Variants in VASP observed in about 807,000 individuals in gnomAD.
VASP encodes vasodilator-stimulated phosphoprotein.
A neutral mutation model predicts 54.4 loss-of-function variants in VASP; 27 were observed. The observed-to-expected ratio is 0.50, with a 90% CI of 0.37 to 0.68. The LOEUF is 0.68. Ranked by LOEUF, VASP falls within the 30% of genes least tolerant of loss-of-function variation. VASP has a pLI of 0.00. For missense variants in VASP, 488 were observed against 528.3 expected (o/e 0.92, Z 0.75); for synonymous variants, 233 against 209.8 (o/e 1.11, Z -0.96).
chr19:45,511,743 G>C (rs1044733494), intron 1 of VASP, among the ~76,000 whole-genome samples: 1 of 152,138 alleles, frequency 6.6e-6, no homozygotes, highest in Non-Finnish European at 1.5e-5. Context: ...GGTTTTTATA[G>C]GTAATTTCAA....
At position 45,507,738 on chromosome 19, in the gene VASP, G is replaced by A. The variant is rs1968515154; in HGVS notation, c.-34G>A. On this transcript the variant is annotated 5_prime_UTR_variant, in exon 1 of 13. Coordinates refer to ENST00000245932, the MANE Select transcript of VASP (RefSeq NM_003370.4). This position sits in a 1 kb window ranked among gnomAD's most constrained non-coding sequence, Gnocchi z 4.4. ...GCCAGGGGCGCCCCGGGAGCAGCCA[G>A]CCCGTGGGCGAGCCGCCCGCCCGCC... 6.6e-7 allele frequency: 1 copy of A among 1,511,822 alleles called. No homozygotes were observed. 93.7% of individuals were successfully genotyped at this position (1,511,822 alleles called of 1,614,324 possible). A position where few individuals can be genotyped will look rare whatever the true frequency, so the allele number is the denominator to read the frequency against.
At chr19:45,510,150 A>G (rs1391285827) in intron 1 of VASP, among the ~76,000 whole-genome samples, 3 of 152,156 alleles carry the variant, frequency 2.0e-5, no homozygotes, top group African/African-American at 7.2e-5. Context: ...AAAAAATAAG[A>G]GACCATTTGA....
intron 4 of VASP, among the ~76,000 whole-genome samples, chr19:45,521,873 A>AGCGAGACTCC (rs1968842386): frequency 1.3e-5 from 2 of 150,536 alleles, no homozygotes; most frequent in Non-Finnish European, 3.0e-5. Context: ...TGGGTGACAG[A>AGCGAGACTCC]GTCTCAAAAA....
At chr19:45,516,876 T>A (rs1040700932) in intron 1 of VASP, among the ~76,000 whole-genome samples, 1 of 149,546 alleles carries the variant, frequency 6.7e-6, no homozygotes, top group African/African-American at 2.5e-5. Context: ...GGTGCATGCC[T>A]GTGATTCCAG....
At chr19:45,519,261 G>A (rs575900375) in intron 3 of VASP, among the ~76,000 whole-genome samples, 3 of 152,178 alleles carry the variant, frequency 2.0e-5, no homozygotes, top group African/African-American at 7.2e-5. Flanking sequence ...TGATCCGCCC[G>A]CCTAGGCCTC....
chr19:45,511,849 C>T (rs1377440630), intron 1 of VASP, among the ~76,000 whole-genome samples: 4 of 152,230 alleles, frequency 2.6e-5, no homozygotes, highest in Non-Finnish European at 5.9e-5. Context: ...GTAATCCCAG[C>T]ACTTTGGGAG....
Position 45,517,807 on chromosome 19 carries a change from G to C in VASP, c.150G>C (p.Val50=). 6.2e-7 allele frequency: 1 copy of C among 1,613,732 alleles called. No homozygotes were observed. The highest frequency in any genetic ancestry group is 8.5e-7 in the Non-Finnish European group (1 of 1,180,000). Residue 50 remains valine, a synonymous_variant, in exon 2 of 13, where the codon GTG becomes GTC. Coordinates refer to ENST00000245932, the MANE Select transcript of VASP (RefSeq NM_003370.4). ...CCACGGCCAATTCCTTTCGCGTCGT[G>C]GGCCGGAAGATGCAGCCCGACCAGC... is the stretch of plus-strand genomic sequence containing the variant. ...HNPTANSFRV[V]GRKMQPDQQV...
intron 1 of VASP, among the ~76,000 whole-genome samples, chr19:45,511,762 A>T (rs1247537793): frequency 6.6e-6 from 1 of 152,216 alleles, no homozygotes; most frequent in Non-Finnish European, 1.5e-5. Context: ...AACCCATGAT[A>T]AGAAAACAAA....
chr19:45,522,073 G>A (rs1018515642), intron 4 of VASP, 95 bp from the exon 5 acceptor site: 1 of 1,554,006 alleles, frequency 6.4e-7, no homozygotes, highest in Non-Finnish European at 8.8e-7. Flanking sequence ...CAGCCACCCT[G>A]GAGACCTCTG....
Position 45,521,361 on chromosome 19 carries a change from C to A in VASP, c.383C>A (p.Ser128Ter). The A allele has an allele frequency of 6.3e-7, 1 of 1,581,366 alleles. No homozygotes were observed. Among genetic ancestry groups the A allele is most frequent in the South Asian group, 1.2e-5 (1 of 86,348 alleles). Residue 128 changes from serine to a stop codon, truncating the protein, a stop_gained, in exon 4 of 13, where the codon TCG (serine) becomes TAG (stop). Transcript: ENST00000245932. LOFTEE classifies it high-confidence loss of function. ...PPPPPALPTW[S>*]VPNGPSPEEV... ...CCACCCCCAGCACTTCCCACCTGGT[C>A]GGTCCCGAACGGCCCCTCCCCGGAG...
chr19:45,526,933 T>C lies in VASP; in HGVS notation c.*756T>C, dbSNP rs960175605. ...ACTTCTCCCCTCCCACCTTCACCTT[T>C]AGCTTCTTGAAAATGGGCCCCTGCA... On this transcript the variant is annotated 3_prime_UTR_variant, in exon 13 of 13. Transcript: ENST00000245932. 11 of 152,052 alleles carry C rather than the reference T, an allele frequency of 7.2e-5. No individual in the cohort carries two copies. The highest frequency in any genetic ancestry group is 2.0e-4 in the Admixed American group (3 of 15,270). The allele number at this position is 152,052 out of a possible 1,614,324, so 9.4% of individuals were successfully genotyped here. A position where few individuals can be genotyped will look rare whatever the true frequency, so the allele number is the denominator to read the frequency against.
At chr19:45,524,730 G>C in intron 11 of VASP, 70 bp downstream of exon 11, 1 of 1,435,182 alleles carries the variant, frequency 7.0e-7, no homozygotes, top group Non-Finnish European at 9.7e-7. Flanking sequence ...CTGGCATGCC[G>C]TATGATCCTA....
At chr19:45,510,978 TGAA>T (rs1968590434) in intron 1 of VASP, among the ~76,000 whole-genome samples, 1 of 145,910 alleles carries the variant, frequency 6.9e-6, no homozygotes. Flanking sequence ...GTGTTCTTAA[TGAA>T]GAAAAAGAAA....
intron 4 of VASP, 131 bp from the exon 5 acceptor site, chr19:45,522,037 G>A: frequency 8.3e-7 from 1 of 1,199,326 alleles, no homozygotes; most frequent in Admixed American, 2.1e-5. Flanking sequence ...CCCTAGGGGA[G>A]GAAGGCTTGG....
In VASP at chr19:45,522,162, C is replaced by G. The variant is rs937096904; in HGVS notation, c.429-6C>G. On this transcript the variant is annotated splice_region_variant and splice_polypyrimidine_tract_variant and intron_variant, in intron 4 of 12. Coordinates refer to ENST00000245932, the MANE Select transcript of VASP (RefSeq NM_003370.4). ...TTGACGGCAGCTCTCTCGCCTCCCC[C>G]CACAGGCAGCAGCCCGGCCCGTCGG... is the stretch of plus-strand genomic sequence containing the variant. 1.9e-6 allele frequency: 3 copies of G among 1,613,798 alleles called. No homozygotes were observed. The highest frequency in any genetic ancestry group is 1.7e-6 in the Non-Finnish European group (2 of 1,180,008).
chr19:45,519,596 C>CTTT lies in VASP; in HGVS notation c.343+1517_343+1519dup, dbSNP rs35957572. On this transcript the variant is annotated intron_variant, in intron 3 of 12. Transcript: ENST00000245932. ...TGAGCCACTACACCCAGCCCAGTTG[C>CTTT]TTTTTTTTTTTTTTTTTGGAGACGG... 2.0e-4 allele frequency among the ~76,000 whole-genome samples: 25 copies of CTTT among 123,276 alleles called. No homozygotes were observed. In the East Asian group the frequency reaches 2.9e-3, roughly 14 times the overall value. The allele number at this position is 123,276 out of a possible 152,430, so 80.9% of individuals were successfully genotyped here.
intron 1 of VASP, among the ~76,000 whole-genome samples, chr19:45,515,163 C>T (rs1968677668): frequency 6.6e-6 from 1 of 152,200 alleles, no homozygotes. Context: ...CCTGCCCTGA[C>T]TTCCCAGCAT....
At chr19:45,523,605 G>T (rs141130704) in intron 7 of VASP, 39 bp from the exon 8 acceptor site, 3 of 1,611,486 alleles carry the variant, frequency 1.9e-6, no homozygotes, top group East Asian at 4.5e-5. Context: ...GGATGGGTTG[G>T]GTGACGGAAG....
rs1968514417 is a variant in VASP at position 45,507,708 on chromosome 19, C to T, written c.-64C>T. 2 of 1,513,970 alleles carry T rather than the reference C, an allele frequency of 1.3e-6. No individual in the cohort carries two copies. The highest frequency in any genetic ancestry group is 1.4e-5 in the African/African-American group (1 of 69,834). 93.8% of individuals were successfully genotyped at this position (1,513,970 alleles called of 1,614,324 possible). On this transcript the variant is annotated 5_prime_UTR_variant, in exon 1 of 13. Transcript: ENST00000245932. The surrounding 1 kb of genome is among the most constrained non-coding windows in gnomAD (Gnocchi z 4.4). ...CGGAGCCAGCCCCGAACCCCTGAAC[C>T]TCCAGCCAGGGGCGCCCCGGGAGCA...
Sources: gnomAD v4.1 joint callset for allele counts (sites outside exome capture counted in the v4.1 genomes callset) on GRCh38, gnomAD v4.1.1 for gene constraint, Gnocchi (gnomAD v3.1) non-coding constraint, MANE v1.5 for transcripts, NCBI Gene and HGNC (gene_info 2026-07-23, HGNC 2026-07-21) for gene names.